ATPAF2: variants seen among roughly 807,000 people sequenced by gnomAD.
The protein encoded by ATPAF2 is ATP12 homolog.
ATPAF2 carries 30 observed loss-of-function variants against 36.6 expected under a neutral mutation model. That is an observed-to-expected ratio of 0.82 (90% CI 0.61 to 1.11). The LOEUF is 1.11. Among genes scored for constraint, ATPAF2 ranks in the 50% most tolerant of loss-of-function variants. The pLI, the probability that ATPAF2 is intolerant of heterozygous loss-of-function variation, is 0.00. For missense variants in ATPAF2, 321 were observed against 372.3 expected, an observed-to-expected ratio of 0.86 and a Z score of 1.13; for synonymous variants, 140 against 152.6, an observed-to-expected ratio of 0.92 and a Z score of 0.61.
Position 18,026,300 on chromosome 17 carries a change from C to G in ATPAF2, c.422+19G>C. The G allele has an allele frequency of 1.3e-6, 2 of 1,594,374 alleles. No homozygotes were observed. Among genetic ancestry groups the G allele is most frequent in the Non-Finnish European group, 1.7e-6 (2 of 1,161,986 alleles). On this transcript the variant is annotated intron_variant, in intron 4 of 7. Coordinates refer to ENST00000474627, the MANE Select transcript of ATPAF2 (RefSeq NM_145691.4). Reference sequence around the variant, plus strand: ...AATAGCCTCAATCCAAGGGGAATGCCCATCTAAATGTCCATTACCAGATGG... The same window carrying G: ...AATAGCCTCAATCCAAGGGGAATGCGCATCTAAATGTCCATTACCAGATGG...
intron 5 of ATPAF2, among the ~76,000 whole-genome samples, chr17:18,022,811 AT>A (rs2044488618): frequency 6.6e-6 from 1 of 151,542 alleles, no homozygotes; most frequent in Non-Finnish European, 1.5e-5. Flanking sequence ...TATATCACTG[AT>A]TTTTTTCTGT....
downstream of ATPAF2, chr17:18,016,842 T>A (rs2145477082): frequency 2.0e-5 from 9 of 449,516 alleles, no homozygotes; most frequent in South Asian, 3.4e-5. Context: ...GTAGAGAAAA[T>A]AAAGGACTCA....
intron 1 of ATPAF2, among the ~76,000 whole-genome samples, chr17:18,035,529 T>C (rs561547968): frequency 6.6e-6 from 1 of 152,346 alleles, no homozygotes; most frequent in South Asian, 2.1e-4. Flanking sequence ...ATGAATTGTA[T>C]AGCAAGTAAA....
chr17:18,038,786 A>T, intron 1 of ATPAF2, 95 bp downstream of exon 1: 1 of 1,565,462 alleles, frequency 6.4e-7, no homozygotes, highest in South Asian at 1.1e-5. Flanking sequence ...ATGAGCCTGA[A>T]CCCTGCCTCA....
At chr17:18,019,482 A>G (rs1475575754) in intron 7 of ATPAF2, among the ~76,000 whole-genome samples, 1 of 152,262 alleles carries the variant, frequency 6.6e-6, no homozygotes, top group Non-Finnish European at 1.5e-5. Context: ...TAAATCAAGT[A>G]AGGCCACGCA....
intron 1 of ATPAF2, among the ~76,000 whole-genome samples, chr17:18,031,347 C>T (rs899372576): frequency 6.6e-6 from 1 of 152,106 alleles, no homozygotes; most frequent in African/African-American, 2.4e-5. Context: ...CTAATACTTA[C>T]AGACAGAGGG....
chr17:18,023,754 G>A (rs551358849), intron 5 of ATPAF2, among the ~76,000 whole-genome samples: 45 of 152,280 alleles, frequency 3.0e-4, no homozygotes, highest in South Asian at 2.7e-3. Context: ...GAACTGATTG[G>A]TAACATCACT....
chr17:18,031,849 C>T (rs1431780458), intron 1 of ATPAF2, among the ~76,000 whole-genome samples: 1 of 152,134 alleles, frequency 6.6e-6, no homozygotes, highest in African/African-American at 2.4e-5. Flanking sequence ...CTTACTATGG[C>T]ACCTTCATCT....
At chr17:18,036,996 G>A (rs965805465) in intron 1 of ATPAF2, among the ~76,000 whole-genome samples, 1 of 152,126 alleles carries the variant, frequency 6.6e-6, no homozygotes, top group Non-Finnish European at 1.5e-5. Context: ...GCTTGAATCT[G>A]GGAGGTAGAG....
chr17:18,015,240 ATTAAG>A (rs1568553620), downstream of ATPAF2: 1 of 152,222 alleles, frequency 6.6e-6, no homozygotes, highest in Non-Finnish European at 1.5e-5. Flanking sequence ...TTTAGAGACC[ATTAAG>A]TTAACTGCCA....
intron 4 of ATPAF2, chr17:18,024,913 T>C (rs887180773): frequency 1.1e-4 from 62 of 588,740 alleles, no homozygotes; most frequent in Non-Finnish European, 1.6e-4. Flanking sequence ...CATTCTCAGG[T>C]TGCATGCCTA....
intron 1 of ATPAF2, among the ~76,000 whole-genome samples, chr17:18,031,376 A>AC (rs2044632311): frequency 6.6e-6 from 1 of 152,162 alleles, no homozygotes; most frequent in Non-Finnish European, 1.5e-5. Context: ...TGCATTCCAC[A>AC]TTTGCACTTA....
downstream of ATPAF2, chr17:18,016,687 A>G (rs2145476263): frequency 6.4e-7 from 1 of 1,552,128 alleles, no homozygotes; most frequent in Non-Finnish European, 8.9e-7. Flanking sequence ...TGTCAGCCAC[A>G]GGAGCTTCTT....
intron 7 of ATPAF2, among the ~76,000 whole-genome samples, chr17:18,019,553 C>T (rs2044438310): frequency 6.6e-6 from 1 of 152,256 alleles, no homozygotes. Context: ...GCTCTGCACA[C>T]TGGGGACAAG....
chr17:18,021,908 C>A lies in ATPAF2; in HGVS notation c.504-51G>T, dbSNP rs113782839. On this transcript the variant is annotated intron_variant, in intron 5 of 7. Coordinates refer to ENST00000474627, the MANE Select transcript of ATPAF2 (RefSeq NM_145691.4). ...TCTCTGTCATGCTGTAGCCCAAGAG[C>A]AGCCCACCTTTTGACTAGAAACAAA... 1,362 of 1,512,816 alleles carry A rather than the reference C, an allele frequency of 9.0e-4. 14 individuals are homozygous for A. The African/African-American group carries it at 0.017, about 18-fold the overall frequency. 93.7% of individuals were successfully genotyped at this position (1,512,816 alleles called of 1,614,324 possible).
At chr17:18,031,289 TTA>T (rs2044631271) in intron 1 of ATPAF2, among the ~76,000 whole-genome samples, 1 of 151,918 alleles carries the variant, frequency 6.6e-6, no homozygotes, top group Admixed American at 6.6e-5. Context: ...CCAAATATTT[TTA>T]TGTTTTCCCA....
intron 1 of ATPAF2, among the ~76,000 whole-genome samples, chr17:18,036,811 G>C (rs919534188): frequency 4.6e-5 from 7 of 152,316 alleles, no homozygotes; most frequent in Admixed American, 4.6e-4. Flanking sequence ...GGTGGCTCAC[G>C]CCTGTAATCC....
Position 18,028,300 on chromosome 17 carries a change from G to C in ATPAF2, c.256C>G (p.Leu86Val), listed in dbSNP as rs2044577555. 3 of 1,614,090 alleles carry C rather than the reference G, an allele frequency of 1.9e-6. No homozygotes were observed. The highest frequency in any genetic ancestry group is 2.5e-6 in the Non-Finnish European group (3 of 1,180,048). ...AKLFTVPSEALAIAVATEWDS... is the reference protein window; with the variant it reads ...AKLFTVPSEAVAIAVATEWDS... The stretch of plus-strand genomic sequence containing the variant: ...CACTCAGTAGCCACTGCAATGGCCA[G>C]GGCCTCGCTGGGGACGGTAAAGAGC... The change falls in exon 3 of 8, where the codon CTG becomes GTG. Residue 86 changes from leucine (L) to valine (V), a missense_variant. Coordinates refer to ENST00000474627, the MANE Select transcript of ATPAF2 (RefSeq NM_145691.4).
At chr17:18,032,125 A>C (rs1412583576) in intron 1 of ATPAF2, among the ~76,000 whole-genome samples, 1 of 152,228 alleles carries the variant, frequency 6.6e-6, no homozygotes, top group African/African-American at 2.4e-5. Flanking sequence ...CTGACTCAAC[A>C]CTGGGGAAAG....
Sources: gnomAD v4.1 joint callset for allele counts (sites outside exome capture counted in the v4.1 genomes callset) on GRCh38, gnomAD v4.1.1 for gene constraint, MANE v1.5 for transcripts, NCBI Gene and HGNC (gene_info 2026-07-23, HGNC 2026-07-21) for gene names.